The following BSN variants were observed in gnomAD, a reference collection of about 807,000 sequenced individuals.
BSN encodes protein bassoon.
A neutral mutation model predicts 264.8 loss-of-function variants in BSN; 57 were observed. The ratio of observed to expected loss-of-function variants is 0.22; its 90% CI spans 0.17 to 0.27. BSN has a LOEUF of 0.27. Ranked by LOEUF, BSN falls within the 10% of genes least tolerant of loss-of-function variation. The probability of loss-of-function intolerance (pLI) is 1.00; values close to 1 mark genes in which losing one functional copy is unlikely to be tolerated. For missense variants in BSN, 4,615 were observed against 5,232.5 expected, an observed-to-expected ratio of 0.88 and a Z score of 3.64; for synonymous variants, 2,059 against 2,137.3, an observed-to-expected ratio of 0.96 and a Z score of 1.01.
Position 49,571,257 on chromosome 3 carries a change from A to G in BSN, c.224+16431A>G, listed in dbSNP as rs563805258. Among the ~76,000 whole-genome samples the G allele has an allele frequency of 2.6e-5, 4 of 152,234 alleles. No homozygotes were observed. In the South Asian group the frequency reaches 8.3e-4, roughly 32 times the overall value. On this transcript the variant is annotated intron_variant, in intron 1 of 11. Transcript: ENST00000296452. ...TCCAGAGAGGTAGTGGGCATTTCCA[A>G]GCATCCCACAGCAAGTCAGGGGCAG...
At chr3:49,603,113 TGGGCCCCTC>T (rs1195156574) in intron 1 of BSN, among the ~76,000 whole-genome samples, 2 of 151,940 alleles carry the variant, frequency 1.3e-5, no homozygotes, top group African/African-American at 4.9e-5. Flanking sequence ...TGGCCAGGGC[TGGGCCCCTC>T]AAGTCATGCC....
In BSN at chr3:49,652,203, C is replaced by T; in HGVS notation, c.2647C>T (p.Pro883Ser). Reference protein sequence around the residue: ...GTQKGGPRPRPEPSQEPAALP... With the variant: ...GTQKGGPRPRSEPSQEPAALP... ...CCAGAAAGGTGGCCCCAGACCCAGGCCTGAGCCTAGCCAAGAACCAGCAGC... is the reference window on the plus strand; with the variant it reads ...CCAGAAAGGTGGCCCCAGACCCAGGTCTGAGCCTAGCCAAGAACCAGCAGC... Residue 883 changes from proline to serine, a missense_variant, in exon 5 of 12, where the codon CCT becomes TCT. By Grantham distance (74) the Pro-to-Ser change is moderately conservative. This residue lies in a region of BSN where 1,197 missense variants were observed against 1,348.0 expected (regional missense o/e 0.89). Coordinates refer to ENST00000296452, the MANE Select transcript of BSN (RefSeq NM_003458.4). The T allele has an allele frequency of 6.2e-7, 1 of 1,613,464 alleles. No homozygotes were observed. The highest frequency in any genetic ancestry group is 1.7e-5 in the Admixed American group (1 of 60,002).
chr3:49,657,804 G>A lies in BSN; in HGVS notation c.8248G>A (p.Val2750Ile), dbSNP rs868169006. The A allele has an allele frequency of 2.0e-5, 32 of 1,578,360 alleles. No individual in the cohort carries two copies. The highest frequency in any genetic ancestry group is 2.5e-5 in the Non-Finnish European group (29 of 1,161,542). The change falls in exon 5 of 12, where the codon GTC becomes ATC. Residue 2750 changes from valine to isoleucine, a missense_variant. Physicochemically the swap from Val to Ile is conservative, Grantham distance 29 (BLOSUM62 3). This residue lies in a region of BSN where 3,415 missense variants were observed against 3,866.4 expected (regional missense o/e 0.88). Transcript: ENST00000296452. ...CCCCTACCTGCCTGGCATCCAGATC[G>A]TCACCCCAGGGCCTCTGGGCAGATT... ...ISPYLPGIQI[V>I]TPGPLGRFEK...
In BSN at chr3:49,554,540, C is replaced by G; in HGVS notation, c.-63C>G. 1.6e-6 allele frequency: 1 copy of G among 634,018 alleles called. No individual in the cohort carries two copies. Among genetic ancestry groups the G allele is most frequent in the Non-Finnish European group, 2.0e-6 (1 of 509,510 alleles). The allele number at this position is 634,018 out of a possible 1,614,324, so 39.3% of individuals were successfully genotyped here. A position where few individuals can be genotyped will look rare whatever the true frequency, so the allele number is the denominator to read the frequency against. ...AGCGGCGGCGCCGAGAGTGTGAGCA[C>G]CGCCCGGGAGCCGCCGGCCCGGGCG... On this transcript the variant is annotated 5_prime_UTR_variant, in exon 1 of 12. Coordinates refer to ENST00000296452, the MANE Select transcript of BSN (RefSeq NM_003458.4).
chr3:49,647,673 G>C (rs1224534139), intron 3 of BSN, among the ~76,000 whole-genome samples: 1 of 152,212 alleles, frequency 6.6e-6, no homozygotes, highest in Admixed American at 6.5e-5. Flanking sequence ...TGGGATGGAG[G>C]TAGGGGTATG....
At chr3:49,666,161 C>T (rs1042120935) in intron 11 of BSN, among the ~76,000 whole-genome samples, 16 of 152,240 alleles carry the variant, frequency 1.1e-4, no homozygotes, top group African/African-American at 3.6e-4. Flanking sequence ...TCTCACGGTG[C>T]ACAAGCATGT....
In BSN at chr3:49,585,441, A is replaced by G. The variant is rs1174451458; in HGVS notation, c.224+30615A>G. ...GCGCTCCCTTCCCAGGCCGCAGCGGACAGACAGGGATTGGGTTTCGTGTGC... is the reference window on the plus strand; with the variant it reads ...GCGCTCCCTTCCCAGGCCGCAGCGGGCAGACAGGGATTGGGTTTCGTGTGC... On this transcript the variant is annotated intron_variant, in intron 1 of 11. Transcript: ENST00000296452. The surrounding 1 kb of genome is among the most constrained non-coding windows in gnomAD (Gnocchi z 4.7). Among the ~76,000 whole-genome samples the G allele has an allele frequency of 6.6e-6, 1 of 152,152 alleles. No individual in the cohort carries two copies. The highest frequency in any genetic ancestry group is 1.9e-4 in the East Asian group (1 of 5,196).
intron 1 of BSN, among the ~76,000 whole-genome samples, chr3:49,604,429 G>A (rs1429848261): frequency 2.0e-5 from 3 of 152,030 alleles, no homozygotes; most frequent in African/African-American, 7.3e-5. Flanking sequence ...CTATGAATTT[G>A]ACAATTCTAG....
At chr3:49,587,927 C>CTTTTCTTTTCTTTTCTT (rs144431423) in intron 1 of BSN, among the ~76,000 whole-genome samples, 6 of 138,240 alleles carry the variant, frequency 4.3e-5, no homozygotes, top group African/African-American at 1.2e-4. Flanking sequence ...CTTTTCTTTT[C>CTTTTCTTTTCTTTTCTT]TTTTTTTTTT....
In BSN at chr3:49,662,274, C is replaced by G. The variant is rs1559619361; in HGVS notation, c.10429C>G (p.Gln3477Glu). 8 of 1,613,806 alleles carry G rather than the reference C, an allele frequency of 5.0e-6. No individual in the cohort carries two copies. The highest frequency in any genetic ancestry group is 6.8e-6 in the Non-Finnish European group (8 of 1,179,936). The change falls in exon 6 of 12, where the codon CAA (glutamine) becomes GAA (glutamate). Residue 3477 changes from glutamine (Q) to glutamate (E), a missense_variant. Around this residue, in one of 3 missense-constraint regions of BSN, gnomAD observed 3,415 missense variants for 3,866.4 expected, o/e 0.88. Transcript: ENST00000296452. Reference protein sequence around the residue: ...EREREAVERLQKAGPKPSSLS... With the variant: ...EREREAVERLEKAGPKPSSLS... Reference sequence around the variant, plus strand: ...GGAACGGGAGGCTGTGGAGCGACTTCAAAAAGCGGGCCCCAAGCCCTCATC... The same window carrying G: ...GGAACGGGAGGCTGTGGAGCGACTTGAAAAAGCGGGCCCCAAGCCCTCATC...
intron 2 of BSN, among the ~76,000 whole-genome samples, chr3:49,637,421 C>T (rs922055507): frequency 6.6e-5 from 10 of 152,112 alleles, no homozygotes; most frequent in Non-Finnish European, 1.5e-4. Flanking sequence ...TCTGTGCAGC[C>T]AGTGTTCCTG....
chr3:49,655,755 ATC>A lies in BSN; in HGVS notation c.6201_6202del (p.Tyr2068LeufsTer29). The stretch of plus-strand genomic sequence containing the variant: ...GCGGCGCTATAGCTCAGTGTCGAAC[ATC>A]TACTCAGACCACAGGTACGGCCCAC... ...PMRRYSSVSN[I>X]YSDHRYGPRG... On this transcript the variant is annotated frameshift_variant, in exon 5 of 12. Transcript: ENST00000296452. LOFTEE classifies it high-confidence loss of function. 2 of 1,613,502 alleles carry A rather than the reference ATC, an allele frequency of 1.2e-6. No homozygotes were observed. Among genetic ancestry groups the A allele is most frequent in the Non-Finnish European group, 1.7e-6 (2 of 1,180,030 alleles).
intron 1 of BSN, among the ~76,000 whole-genome samples, chr3:49,573,601 A>G (rs2051815030): frequency 6.6e-6 from 1 of 151,328 alleles, no homozygotes; most frequent in Admixed American, 6.6e-5. Flanking sequence ...GGGCACCAAA[A>G]TAGTTGTTGC....
chr3:49,578,478 G>A (rs999463155), intron 1 of BSN, among the ~76,000 whole-genome samples: 1 of 151,682 alleles, frequency 6.6e-6, no homozygotes, highest in African/African-American at 2.4e-5. Flanking sequence ...TGCGATCTCA[G>A]CTCACTGCAA....
intron 2 of BSN, among the ~76,000 whole-genome samples, chr3:49,641,295 T>A (rs998130160): frequency 6.6e-6 from 1 of 152,196 alleles, no homozygotes; most frequent in African/African-American, 2.4e-5. Flanking sequence ...TCTTAGCATC[T>A]CTCTGTATGT....
chr3:49,617,280 ACATTATATATATATATATAT>A (rs1559606415), intron 1 of BSN, among the ~76,000 whole-genome samples: 8 of 63,952 alleles, frequency 1.3e-4, no homozygotes, highest in Admixed American at 3.7e-4. Context: ...AAAATAAAAT[ACATTATATATATATATATAT>A]ATATATATAT....
At chr3:49,623,602 C>G (rs752342117) in intron 1 of BSN, among the ~76,000 whole-genome samples, 33 of 152,212 alleles carry the variant, frequency 2.2e-4, no homozygotes, top group Admixed American at 4.6e-4. Context: ...TTCCTCAAGG[C>G]TGGATCCTGG....
chr3:49,586,326 C>CTCTATCTATCTA (rs59036596), intron 1 of BSN, among the ~76,000 whole-genome samples: 9,882 of 149,550 alleles, frequency 0.066, 320 homozygotes, highest in African/African-American at 0.083. Context: ...GTTTTCCCAG[C>CTCTATCTATCTA]TCTATCTATC....
intron 1 of BSN, among the ~76,000 whole-genome samples, chr3:49,558,338 T>G (rs2051689696): frequency 6.6e-6 from 1 of 152,232 alleles, no homozygotes; most frequent in Admixed American, 6.5e-5. Context: ...TTCTCCATCA[T>G]TGCCCATCAG....
Sources: allele counts gnomAD v4.1 joint callset (sites outside exome capture counted in the v4.1 genomes callset), GRCh38; gene constraint gnomAD v4.1.1; regional missense constraint gnomAD v4.1.1; non-coding constraint Gnocchi (gnomAD v3.1); transcripts MANE v1.5; gene names NCBI Gene and HGNC (gene_info 2026-07-23, HGNC 2026-07-21).